The following HGF variants were observed in gnomAD, a reference collection of about 807,000 sequenced individuals.
HGF encodes fibroblast-derived tumor cytotoxic factor.
In HGF, 39 loss-of-function variants were observed where a neutral mutation model predicts 111.6. That is an observed-to-expected ratio of 0.35 (90% CI 0.27 to 0.46). The LOEUF (loss-of-function observed/expected upper bound fraction) is 0.46, where lower values mean the gene tolerates loss of function less well. Ranked by LOEUF, HGF falls within the 20% of genes least tolerant of loss-of-function variation. The probability of loss-of-function intolerance (pLI) is 1.00; values close to 1 mark genes in which losing one functional copy is unlikely to be tolerated. For synonymous variants in HGF, 285 were observed against 294.8 expected, an observed-to-expected ratio of 0.97 and a Z score of 0.34; for missense variants, 735 against 910.5, an observed-to-expected ratio of 0.81 and a Z score of 2.48.
intron 10 of HGF, among the ~76,000 whole-genome samples, chr7:81,719,931 T>C (rs762535023): frequency 2.6e-4 from 39 of 152,226 alleles, no homozygotes; most frequent in Non-Finnish European, 4.6e-4. Flanking sequence ...GCATAACTCA[T>C]GTAAAGCAGC....
intron 7 of HGF, among the ~76,000 whole-genome samples, chr7:81,739,728 T>C (rs994330291): frequency 3.9e-5 from 6 of 152,096 alleles, no homozygotes; most frequent in African/African-American, 1.4e-4. Flanking sequence ...AGGTGGAACT[T>C]GAGCCCCTTA....
chr7:81,705,267 T>C, intron 17 of HGF, 123 bp downstream of exon 17: 1 of 908,760 alleles, frequency 1.1e-6, no homozygotes, highest in Non-Finnish European at 1.8e-6. Context: ...TTTTCCCAAT[T>C]CCTCTTTCCT....
rs762721825 is a variant in HGF at position 81,705,516 on chromosome 7, T to C, written c.1884A>G (p.Leu628=). Residue 628 remains leucine, a synonymous_variant, in exon 17 of 18, where the codon CTA becomes CTG. Coordinates refer to ENST00000222390, the MANE Select transcript of HGF (RefSeq NM_000601.6). ...GYTGLINYDG[L]LRVAHLYIMG... ...TTATATAGAGATGTGCCACTCGTAA[T>C]AGGCCATCATAGTTGATCACTAGAT... is the stretch of plus-strand genomic sequence containing the variant. 6.2e-6 allele frequency: 10 copies of C among 1,612,608 alleles called. No individual in the cohort carries two copies. The highest frequency in any genetic ancestry group is 2.2e-5 in the South Asian group (2 of 91,064).
intron 7 of HGF, among the ~76,000 whole-genome samples, chr7:81,737,156 A>G (rs1459604628): frequency 2.6e-5 from 4 of 152,042 alleles, no homozygotes; most frequent in Non-Finnish European, 5.9e-5. Context: ...GGAGAAGGCT[A>G]TATCTAGGAT....
chr7:81,718,674 G>A (rs1224080194), intron 10 of HGF, among the ~76,000 whole-genome samples: 1 of 152,138 alleles, frequency 6.6e-6, no homozygotes, highest in Admixed American at 6.6e-5. Context: ...GCTGGTAAAA[G>A]TTTACCAACT....
intron 5 of HGF, among the ~76,000 whole-genome samples, chr7:81,746,132 G>A (rs76147490): frequency 0.026 from 3,919 of 152,272 alleles, 55 homozygotes; most frequent in South Asian, 0.042. Context: ...AGTAATTTGG[G>A]ATTATAGTAT....
At chr7:81,733,215 C>G (rs971654432) in intron 7 of HGF, among the ~76,000 whole-genome samples, 1 of 151,778 alleles carries the variant, frequency 6.6e-6, no homozygotes, top group South Asian at 2.1e-4. Flanking sequence ...ATAATTTAAA[C>G]TATTTAATAT....
intron 5 of HGF, among the ~76,000 whole-genome samples, chr7:81,747,705 G>T (rs1475236891): frequency 6.6e-6 from 1 of 152,154 alleles, no homozygotes; most frequent in African/African-American, 2.4e-5. Context: ...TATAGGCCAG[G>T]TGCAGTGGCT....
intron 7 of HGF, chr7:81,742,706 T>A: frequency 7.2e-7 from 1 of 1,396,018 alleles, no homozygotes; most frequent in Non-Finnish European, 9.3e-7. Flanking sequence ...TAAAAAATAG[T>A]TTTTATTGTA....
In HGF at chr7:81,769,594, C is replaced by T. The variant is rs5745611; in HGVS notation, c.88+290G>A. Among the ~76,000 whole-genome samples, 101 of 152,312 alleles carry T rather than the reference C, an allele frequency of 6.6e-4. No homozygotes were observed. The East Asian group carries it at 0.017, about 25-fold the overall frequency. ...CAGCCAAGTTCAGCCAGTATTAGCA[C>T]TTCCTCCCTATCTCATAATCCACAA... On this transcript the variant is annotated intron_variant, in intron 1 of 17. Coordinates refer to ENST00000222390, the MANE Select transcript of HGF (RefSeq NM_000601.6).
At chr7:81,751,637 G>T (rs1029089811) in intron 5 of HGF, 4 of 996,818 alleles carry the variant, frequency 4.0e-6, no homozygotes, top group Non-Finnish European at 4.8e-6. Flanking sequence ...ATGGGGTCAA[G>T]CTTCCAGTGA....
rs1178497813 is a variant in HGF, at chr7:81,700,956, T to C, written c.*1625A>G. The C allele has an allele frequency of 6.6e-6, 1 of 151,610 alleles. No individual in the cohort carries two copies. Among genetic ancestry groups the C allele is most frequent in the Non-Finnish European group, 1.5e-5 (1 of 67,678 alleles). 9.4% of individuals were successfully genotyped at this position (151,610 alleles called of 1,614,324 possible). ...GGGACTTGGCCTTGATAAAAATCAC[T>C]CAAGAAAACTAAGTCAGAGAAATGG... On this transcript the variant is annotated 3_prime_UTR_variant, in exon 18 of 18. Transcript: ENST00000222390.
chr7:81,743,388 T>C lies in HGF; in HGVS notation c.830A>G (p.His277Arg). 6.2e-7 allele frequency: 1 copy of C among 1,612,314 alleles called. No homozygotes were observed. ...PRPWCYTLDP[H>R]TRWEYCAIKT... ...AATTGCACAGTACTCCCAGCGGGTG[T>C]GAGGGTCAAGAGTATAGCACCATGG... Residue 277 changes from histidine (H) to arginine (R), a missense_variant, in exon 7 of 18, where the codon CAC (histidine) becomes CGC (arginine). This residue lies in a region of HGF where 553 missense variants were observed against 685.6 expected (regional missense o/e 0.81). Transcript: ENST00000222390.
chr7:81,703,160 T>C (rs1281219573), intron 17 of HGF, among the ~76,000 whole-genome samples: 3 of 151,498 alleles, frequency 2.0e-5, no homozygotes, highest in Admixed American at 6.6e-5. Context: ...TGTAGAAAAA[T>C]ACAAGTATAA....
chr7:81,730,689 C>CTG (rs1319261996), intron 7 of HGF, among the ~76,000 whole-genome samples: 9 of 152,098 alleles, frequency 5.9e-5, no homozygotes, highest in Middle Eastern at 3.4e-3. Flanking sequence ...CTCTCTCTCT[C>CTG]TGTAATGTTT....
intron 4 of HGF, 188 bp downstream of exon 4, chr7:81,757,001 T>C: frequency 3.3e-6 from 2 of 606,300 alleles, no homozygotes; most frequent in Admixed American, 5.7e-5. Flanking sequence ...TTGGCTACAT[T>C]TTATTAACAT....
At position 81,722,845 on chromosome 7, in the gene HGF, GTA is replaced by G. The variant is rs144391393; in HGVS notation, c.1169-2000_1169-1999del. Among the ~76,000 whole-genome samples, 134 of 132,342 alleles carry G rather than the reference GTA, an allele frequency of 1.0e-3. 3 individuals are homozygous for G. The highest frequency in any genetic ancestry group is 2.5e-3 in the African/African-American group (78 of 30,614). 86.8% of individuals were successfully genotyped at this position (132,342 alleles called of 152,430 possible). ...AAAAAAAAAAAAGAAATTTAAAAAG[GTA>G]TATATATATATATATGTTGCATTGC... On this transcript the variant is annotated intron_variant, in intron 9 of 17. Transcript: ENST00000222390.
intron 11 of HGF, among the ~76,000 whole-genome samples, chr7:81,712,576 A>G (rs914655398): frequency 3.3e-5 from 5 of 152,208 alleles, no homozygotes; most frequent in African/African-American, 7.2e-5. Flanking sequence ...GCCACAAATA[A>G]GAGAAAGTCT....
chr7:81,755,943 T>C, intron 4 of HGF: 1 of 694,176 alleles, frequency 1.4e-6, no homozygotes, highest in South Asian at 1.5e-5. Context: ...ACAAACTCTT[T>C]TTCTTTCTGT....
Sources: allele counts gnomAD v4.1 joint callset (sites outside exome capture counted in the v4.1 genomes callset), GRCh38; gene constraint gnomAD v4.1.1; regional missense constraint gnomAD v4.1.1; transcripts MANE v1.5; gene names NCBI Gene and HGNC (gene_info 2026-07-23, HGNC 2026-07-21).